Variants in ZNF711 observed in about 807,000 individuals in gnomAD.
ZNF711 encodes the protein zinc finger protein 711.
Under a neutral mutation model 43.5 loss-of-function variants are expected in ZNF711, and 3 were observed. The observed-to-expected ratio is 0.07, with a 90% CI of 0.03 to 0.18. The LOEUF (loss-of-function observed/expected upper bound fraction) is 0.18. ZNF711 is among the 10% of genes least tolerant of loss of function. The pLI is 1.00. For synonymous variants in ZNF711, 209 were observed against 207.7 expected (o/e 1.01, Z -0.06); for missense variants, 412 against 604.0 (o/e 0.68, Z 3.33).
At chrX:85,260,968 C>T (rs750079119) in intron 5 of ZNF711, among the ~76,000 whole-genome samples, 1 of 110,999 alleles carries the variant, frequency 9.0e-6, no homozygotes, top group Non-Finnish European at 1.9e-5. Context: ...TGTATTCTTA[C>T]AATAAAGTAA....
At chrX:85,246,874 GATAA>G (rs780507347) in intron 2 of ZNF711, 52 bp from the exon 3 acceptor site, 8 of 294,643 alleles carry the variant, frequency 2.7e-5, no homozygotes, top group African/African-American at 1.9e-4. Context: ...GAAATGCTGA[GATAA>G]ATAATTTGCT....
In ZNF711 at chrX:85,272,014, A is replaced by G. The variant is rs1008421604; in HGVS notation, c.*186A>G. 3 of 444,162 alleles carry G rather than the reference A, an allele frequency of 6.8e-6. No individual in the cohort carries two copies. Among genetic ancestry groups the G allele is most frequent in the Non-Finnish European group, 1.2e-5 (3 of 257,348 alleles). 36.6% of individuals were successfully genotyped at this position (444,162 alleles called of 1,213,427 possible). ...CCATAGCCCTTTGAAAATTACTTAAAGAATTTAAGAAGCACTATAGAATGG... is the reference window on the plus strand; with the variant it reads ...CCATAGCCCTTTGAAAATTACTTAAGGAATTTAAGAAGCACTATAGAATGG... On this transcript the variant is annotated 3_prime_UTR_variant, in exon 11 of 11. Transcript: ENST00000674551.
chrX:85,264,138 T>C, intron 5 of ZNF711, 137 bp from the exon 6 acceptor site: 1 of 501,745 alleles, frequency 2.0e-6, no homozygotes, highest in Non-Finnish European at 3.5e-6. Flanking sequence ...ATTAAGTGAA[T>C]ACAGTGGGTA....
At chrX:85,267,192 A>G in intron 7 of ZNF711, 86 bp from the exon 8 acceptor site, 1 of 767,834 alleles carries the variant, frequency 1.3e-6, no homozygotes, top group Non-Finnish European at 1.7e-6. Context: ...TGAAATTTGA[A>G]AGTTGAAAGA....
intron 8 of ZNF711, 92 bp from the exon 9 acceptor site, chrX:85,268,202 G>T: frequency 9.6e-7 from 1 of 1,042,692 alleles, no homozygotes; most frequent in Non-Finnish European, 1.3e-6. Context: ...GGCAAAGTAA[G>T]ATTTTGTAGA....
At chrX:85,250,600 T>G (rs987136621) in intron 4 of ZNF711, among the ~76,000 whole-genome samples, 1 of 111,756 alleles carries the variant, frequency 8.9e-6, no homozygotes, top group Non-Finnish European at 1.9e-5. Context: ...TGATGCATTC[T>G]TTTTAAATTT....
chrX:85,253,699 TACC>T (rs1315915109), intron 4 of ZNF711, among the ~76,000 whole-genome samples: 3 of 109,398 alleles, frequency 2.7e-5, no homozygotes, highest in Admixed American at 9.8e-5. Flanking sequence ...TTTGTGTAAA[TACC>T]ACCACAATGA....
In ZNF711 at chrX:85,272,806, C is replaced by A. The variant is rs1931661414; in HGVS notation, c.*978C>A. ...ATCTATATACCATATGATTAACATG[C>A]ATTTTCAATATGAGGCAGTGTTTAT... On this transcript the variant is annotated 3_prime_UTR_variant, in exon 11 of 11. Coordinates refer to ENST00000674551, the MANE Select transcript of ZNF711 (RefSeq NM_001330574.2). The A allele has an allele frequency of 1.8e-5, 2 of 111,924 alleles. No individual in the cohort carries two copies. The highest frequency in any genetic ancestry group is 7.4e-4 in the South Asian group (2 of 2,719). The allele number at this position is 111,924 out of a possible 1,213,427, so 9.2% of individuals were successfully genotyped here. A position where few individuals can be genotyped will look rare whatever the true frequency, so the allele number is the denominator to read the frequency against.
chrX:85,270,245 C>T (rs2093456748), intron 10 of ZNF711, 99 bp downstream of exon 10: 1 of 877,013 alleles, frequency 1.1e-6, no homozygotes, highest in Non-Finnish European at 1.6e-6. Flanking sequence ...CAGTTCTACT[C>T]TCCATGTACC....
intron 1 of ZNF711, among the ~76,000 whole-genome samples, chrX:85,245,269 C>T (rs952671757): frequency 1.8e-5 from 2 of 112,182 alleles, no homozygotes; most frequent in Non-Finnish European, 3.8e-5. Context: ...TTTGTGATTT[C>T]TACTCCCCAT....
chrX:85,271,408 G>A lies in ZNF711; in HGVS notation c.2004G>A (p.Glu668=). 8.3e-7 allele frequency: 1 copy of A among 1,210,959 alleles called. No individual in the cohort carries two copies. The highest frequency in any genetic ancestry group is 1.1e-6 in the Non-Finnish European group (1 of 895,203). The part of the protein sequence containing the change: ...VHTKDFPHKC[E]VCDKGFHRPS... ...CTAAGGATTTTCCTCACAAATGTGAGGTCTGTGATAAAGGTTTTCATCGTC... is the reference window on the plus strand; with the variant it reads ...CTAAGGATTTTCCTCACAAATGTGAAGTCTGTGATAAAGGTTTTCATCGTC... Residue 668 remains glutamate (E), a synonymous_variant, in exon 11 of 11, where the codon GAG becomes GAA. Transcript: ENST00000674551.
intron 4 of ZNF711, 37 bp downstream of exon 4, chrX:85,247,688 A>G: frequency 1.9e-6 from 2 of 1,078,847 alleles, no homozygotes; most frequent in Non-Finnish European, 2.6e-6. Context: ...TTTCTTTTTT[A>G]GAAGTAAGGG....
At position 85,245,176 on chromosome X, in the gene ZNF711, A is replaced by G. The variant is rs143487850; in HGVS notation, c.-405-727A>G. On this transcript the variant is annotated intron_variant, in intron 1 of 10. Coordinates refer to ENST00000674551, the MANE Select transcript of ZNF711 (RefSeq NM_001330574.2). ...CATTCTCTTGTTCTGCCGCCTTACCATTTCTCATCTATCCGTCACCCTATT... is the reference window on the plus strand; with the variant it reads ...CATTCTCTTGTTCTGCCGCCTTACCGTTTCTCATCTATCCGTCACCCTATT... Among the ~76,000 whole-genome samples, 653 of 111,827 alleles carry G rather than the reference A, an allele frequency of 5.8e-3. 13 individuals are homozygous for G. The highest frequency in any genetic ancestry group is 0.02 in the African/African-American group (617 of 30,718).
At chrX:85,258,773 C>T (rs924211306) in intron 5 of ZNF711, among the ~76,000 whole-genome samples, 4 of 109,294 alleles carry the variant, frequency 3.7e-5, no homozygotes, top group African/African-American at 1.3e-4. Context: ...TTTCTGCTTG[C>T]TGATTTAAGT....
At chrX:85,270,599 T>A in intron 10 of ZNF711, 52 bp from the exon 11 acceptor site, 1 of 1,074,467 alleles carries the variant, frequency 9.3e-7, no homozygotes, top group Admixed American at 2.4e-5. Context: ...TGTTATAAAA[T>A]CCTTTAAAAC....
At chrX:85,253,406 CCTT>C (rs1929718152) in intron 4 of ZNF711, among the ~76,000 whole-genome samples, 3 of 111,249 alleles carry the variant, frequency 2.7e-5, no homozygotes, top group Admixed American at 1.9e-4. Flanking sequence ...ATATTAGTAT[CCTT>C]TTACGTTTTT....
rs758475553 is a variant in ZNF711 at position 85,244,123 on chromosome X, A to AGGC, written c.-452_-450dup. 2.0e-3 allele frequency: 296 copies of AGGC among 147,304 alleles called. 1 individual carries two copies. The highest frequency in any genetic ancestry group is 5.7e-3 in the South Asian group (25 of 4,369). The allele number at this position is 147,304 out of a possible 1,213,427, so 12.1% of individuals were successfully genotyped here. On this transcript the variant is annotated 5_prime_UTR_variant, in exon 1 of 11. Coordinates refer to ENST00000674551, the MANE Select transcript of ZNF711 (RefSeq NM_001330574.2). ...GGTCACAGTCCGACTGGCGGCACGG[A>AGGC]GGCGGCGGCGGCGGCGGCGGCGGCA...
chrX:85,245,149 C>T (rs1000936956), intron 1 of ZNF711, among the ~76,000 whole-genome samples: 1 of 111,979 alleles, frequency 8.9e-6, no homozygotes. Context: ...ATACTACTTT[C>T]GCATTCTCTT....
chrX:85,266,962 G>T (rs747061402), intron 7 of ZNF711, among the ~76,000 whole-genome samples: 9 of 107,320 alleles, frequency 8.4e-5, no homozygotes, highest in Admixed American at 4.2e-4. Flanking sequence ...CCAAAAGACT[G>T]TCAGGCAAAT....
Sources: allele counts gnomAD v4.1 joint callset (sites outside exome capture counted in the v4.1 genomes callset), GRCh38; gene constraint gnomAD v4.1.1; transcripts MANE v1.5; gene names NCBI Gene and HGNC (gene_info 2026-07-23, HGNC 2026-07-21).